The following MUC5B variants were observed in gnomAD, a reference collection of about 807,000 sequenced individuals.
MUC5B encodes the protein mucin-5B.
In MUC5B, 116 loss-of-function variants were observed where a neutral mutation model predicts 376.9. The ratio of observed to expected loss-of-function variants is 0.31; its 90% CI spans 0.26 to 0.36. MUC5B has a LOEUF of 0.36. Ranked by LOEUF, MUC5B falls within the 10% of genes least tolerant of loss-of-function variation. The pLI is 1.00. For synonymous variants in MUC5B, 3,517 were observed against 3,390.9 expected, an observed-to-expected ratio of 1.04 and a Z score of -1.29; for missense variants, 7,165 against 7,769.9, an observed-to-expected ratio of 0.92 and a Z score of 2.93.
Position 1,241,879 on chromosome 11 carries a change from G to C in MUC5B, c.4999G>C (p.Gly1667Arg). ...ATCCCCCAGATACACAAGCACCCTT[G>C]GTACAGCCACCACGGGAGGCCCCAC... ...LTSPRYTSTL[G>R]TATTGGPTTP... The change falls in exon 31 of 49, where the codon GGT becomes CGT. Residue 1667 changes from glycine to arginine, a missense_variant. Physicochemically the swap from Gly to Arg is moderately radical, Grantham distance 125. This residue lies in a region of MUC5B where 897 missense variants were observed against 779.6 expected (regional missense o/e 1.15). Coordinates refer to ENST00000529681, the MANE Select transcript of MUC5B (RefSeq NM_002458.3). 1.2e-6 allele frequency: 2 copies of C among 1,612,834 alleles called. No individual in the cohort carries two copies. Among genetic ancestry groups the C allele is most frequent in the Non-Finnish European group, 1.7e-6 (2 of 1,179,538 alleles).
At position 1,243,851 on chromosome 11, in the gene MUC5B, T is replaced by G. The variant is rs1862369955; in HGVS notation, c.6971T>G (p.Leu2324Arg). 6.2e-7 allele frequency: 1 copy of G among 1,611,208 alleles called. No individual in the cohort carries two copies. The highest frequency in any genetic ancestry group is 1.7e-5 in the Admixed American group (1 of 59,958). Residue 2324 changes from leucine (L) to arginine (R), a missense_variant, in exon 31 of 49, where the codon CTG becomes CGG. This residue lies in a region of MUC5B where 25 missense variants were observed against 103.9 expected (regional missense o/e 0.24). Coordinates refer to ENST00000529681, the MANE Select transcript of MUC5B (RefSeq NM_002458.3). ...CCCCAGTGTGCCTGGTCAGAGTGGC[T>G]GGACTACAGCTACCCCATGCCGGGG... ...CEPQCAWSEW[L>R]DYSYPMPGPS...
intron 36 of MUC5B, 47 bp downstream of exon 36, chr11:1,255,313 G>A (rs574126180): frequency 2.7e-5 from 39 of 1,465,824 alleles, no homozygotes; most frequent in East Asian, 1.9e-4. Context: ...GCCCCCGCCC[G>A]CCCGCATGCA....
chr11:1,228,927 G>T (rs914976010), intron 8 of MUC5B, among the ~76,000 whole-genome samples, 162 bp downstream of exon 8: 1 of 152,046 alleles, frequency 6.6e-6, no homozygotes, highest in African/African-American at 2.4e-5. Context: ...ACCCCAGGAG[G>T]GGGTGGGGCC....
intron 26 of MUC5B, 122 bp downstream of exon 26, chr11:1,239,149 G>C: frequency 8.2e-7 from 1 of 1,213,448 alleles, no homozygotes; most frequent in Non-Finnish European, 1.2e-6. Flanking sequence ...CAACACGCAT[G>C]TGCCTCCATG....
At position 1,258,229 on chromosome 11, in the gene MUC5B, T is replaced by C. The variant is rs1215465288; in HGVS notation, c.16555+26T>C. ...GTGAGCGGGGCTGGGGCCGGGCTCC[T>C]GGGTGGCCTCTTGCTGGGGGTGGGG... On this transcript the variant is annotated intron_variant, in intron 42 of 48. Transcript: ENST00000529681. This position sits in a 1 kb window ranked among gnomAD's most constrained non-coding sequence, Gnocchi z 5.5. 1 of 1,559,366 alleles carries C rather than the reference T, an allele frequency of 6.4e-7. No homozygotes were observed. The highest frequency in any genetic ancestry group is 1.9e-5 in the Admixed American group (1 of 53,202).
At position 1,241,269 on chromosome 11, in the gene MUC5B, C is replaced by G; in HGVS notation, c.4389C>G (p.Thr1463=). ...AVPTPTQTTA[T]EKTTLWVTPS... is the part of the protein sequence containing the mutation. Reference sequence around the variant, plus strand: ...CTACCCCAACCCAGACCACAGCAACCGAAAAGACCACCCTATGGGTGACCC... The same window carrying G: ...CTACCCCAACCCAGACCACAGCAACGGAAAAGACCACCCTATGGGTGACCC... The change falls in exon 31 of 49, where the codon ACC becomes ACG. Residue 1463 remains threonine, a synonymous_variant. Coordinates refer to ENST00000529681, the MANE Select transcript of MUC5B (RefSeq NM_002458.3). 1 of 1,594,124 alleles carries G rather than the reference C, an allele frequency of 6.3e-7. No homozygotes were observed. Among genetic ancestry groups the G allele is most frequent in the Non-Finnish European group, 8.5e-7 (1 of 1,170,484 alleles).
chr11:1,235,073 G>T lies in MUC5B; in HGVS notation c.2631-12G>T. On this transcript the variant is annotated splice_polypyrimidine_tract_variant and intron_variant, in intron 21 of 48. Coordinates refer to ENST00000529681, the MANE Select transcript of MUC5B (RefSeq NM_002458.3). ...GGCCCCTGTGAGCAGGCACCATTGTGGCCCCTTGCAGCACCTGCAGGAACC... is the reference window on the plus strand; with the variant it reads ...GGCCCCTGTGAGCAGGCACCATTGTTGCCCCTTGCAGCACCTGCAGGAACC... The T allele has an allele frequency of 6.2e-7, 1 of 1,606,188 alleles. No homozygotes were observed. Among genetic ancestry groups the T allele is most frequent in the Non-Finnish European group, 8.5e-7 (1 of 1,176,144 alleles).
rs1317468068 is a variant in MUC5B at position 1,251,100 on chromosome 11, C to A, written c.14220C>A (p.Ser4740Arg). The change falls in exon 31 of 49, where the codon AGC becomes AGA. Residue 4740 changes from serine to arginine, a missense_variant. This residue lies in a region of MUC5B where 730 missense variants were observed against 592.7 expected (regional missense o/e 1.23). Transcript: ENST00000529681. ...RTATTLPVLTSTATKSTATSF... is the reference protein window; with the variant it reads ...RTATTLPVLTRTATKSTATSF... Reference sequence around the variant, plus strand: ...CAACCACCCTTCCAGTGCTGACAAGCACAGCCACAAAATCCACAGCTACCA... The same window carrying A: ...CAACCACCCTTCCAGTGCTGACAAGAACAGCCACAAAATCCACAGCTACCA... 1.2e-6 allele frequency: 2 copies of A among 1,611,360 alleles called. No homozygotes were observed. Among genetic ancestry groups the A allele is most frequent in the South Asian group, 2.2e-5 (2 of 91,038 alleles).
At position 1,246,258 on chromosome 11, in the gene MUC5B, C is replaced by A. The variant is rs764716204; in HGVS notation, c.9378C>A (p.Ser3126=). The change falls in exon 31 of 49, where the codon TCC becomes TCA. Residue 3126 remains serine, a synonymous_variant. Transcript: ENST00000529681. Reference sequence around the variant, plus strand: ...CCACCAGTTCCATGTCCACCCCCTCCTCCACTCCGGGGACGACCTGGATCC... The same window carrying A: ...CCACCAGTTCCATGTCCACCCCCTCATCCACTCCGGGGACGACCTGGATCC... The part of the protein sequence containing the change: ...TRATSSMSTP[S]STPGTTWILT... 3 of 1,612,788 alleles carry A rather than the reference C, an allele frequency of 1.9e-6. No individual in the cohort carries two copies. The highest frequency in any genetic ancestry group is 2.5e-6 in the Non-Finnish European group (3 of 1,179,414).
In MUC5B at chr11:1,230,986, G is replaced by C. The variant is rs376283990; in HGVS notation, c.1521G>C (p.Thr507=). The change falls in exon 13 of 49, where the codon ACG becomes ACC. Residue 507 remains threonine (T), a synonymous_variant. Transcript: ENST00000529681. ...GCGTGTTCCTCAACTCCATCTACACGCAGCTGCCCCTGTCGGCAGGTATGT... is the reference window on the plus strand; with the variant it reads ...GCGTGTTCCTCAACTCCATCTACACCCAGCTGCCCCTGTCGGCAGGTATGT... ...DGGVFLNSIY[T]QLPLSAANIT... 1.3e-6 allele frequency: 2 copies of C among 1,597,972 alleles called. No homozygotes were observed. Among genetic ancestry groups the C allele is most frequent in the East Asian group, 2.3e-5 (1 of 43,978 alleles).
chr11:1,247,346 C>T lies in MUC5B; in HGVS notation c.10466C>T (p.Thr3489Met), dbSNP rs371967949. Reference protein sequence around the residue: ...LGTTHITEPSTVTSHTPAATT... With the variant: ...LGTTHITEPSMVTSHTPAATT... Reference sequence around the variant, plus strand: ...ACCACCCACATCACAGAGCCTTCCACGGTGACTTCCCACACCCCAGCAGCA... The same window carrying T: ...ACCACCCACATCACAGAGCCTTCCATGGTGACTTCCCACACCCCAGCAGCA... Residue 3489 changes from threonine (T) to methionine (M), a missense_variant, in exon 31 of 49, where the codon ACG becomes ATG. This residue lies in a region of MUC5B where 939 missense variants were observed against 770.6 expected (regional missense o/e 1.22). Coordinates refer to ENST00000529681, the MANE Select transcript of MUC5B (RefSeq NM_002458.3). 1.1e-4 allele frequency: 170 copies of T among 1,611,036 alleles called. No homozygotes were observed. Among genetic ancestry groups the T allele is most frequent in the Non-Finnish European group, 1.3e-4 (151 of 1,179,490 alleles).
rs201593546 is a variant in MUC5B at position 1,233,126 on chromosome 11, G to A, written c.2179G>A (p.Val727Met). Residue 727 changes from valine (V) to methionine (M), a missense_variant, in exon 18 of 49, where the codon GTG becomes ATG. Around this residue, in one of 31 missense-constraint regions of MUC5B, gnomAD observed 530 missense variants for 604.0 expected, o/e 0.88. Transcript: ENST00000529681. Reference protein sequence around the residue: ...EADVTCSVSFVPVDGCTCPAG... With the variant: ...EADVTCSVSFMPVDGCTCPAG... ...CGACGTCACCTGCAGCGTTTCCTTC[G>A]TGCCTGTGGACGGCTGCACCTGCCC... 41 of 1,607,532 alleles carry A rather than the reference G, an allele frequency of 2.6e-5. No individual in the cohort carries two copies. Among genetic ancestry groups the A allele is most frequent in the Admixed American group, 1.8e-4 (11 of 59,854 alleles).
rs1208883416 is a variant in MUC5B at position 1,246,624 on chromosome 11, C to T, written c.9744C>T (p.Ala3248=). Residue 3248 remains alanine (A), a synonymous_variant, in exon 31 of 49, where the codon GCC becomes GCT. Transcript: ENST00000529681. ...TAIPSSSLGT[A]WTRLSQTTTP... ...TCCCCTCTTCCTCCCTGGGCACCGC[C>T]TGGACCCGCCTATCACAGACCACCA... 1.9e-6 allele frequency: 3 copies of T among 1,613,054 alleles called. No individual in the cohort carries two copies. The highest frequency in any genetic ancestry group is 2.5e-6 in the Non-Finnish European group (3 of 1,179,462).
chr11:1,238,860 C>T lies in MUC5B; in HGVS notation c.3298-11C>T. On this transcript the variant is annotated splice_polypyrimidine_tract_variant and intron_variant, in intron 25 of 48. Transcript: ENST00000529681. ...TGTCCCGGCTGAGCTGCACCTTGGC[C>T]TCACCCGCAGGTTGACTCCACCAAG... 1.3e-6 allele frequency: 2 copies of T among 1,549,040 alleles called. No homozygotes were observed. The highest frequency in any genetic ancestry group is 1.7e-6 in the Non-Finnish European group (2 of 1,144,812).
In MUC5B at chr11:1,243,245, C is replaced by T. The variant is rs1862342438; in HGVS notation, c.6365C>T (p.Ser2122Phe). ...ACTGGTTCTATGGCAACACCCTCCT[C>T]TAGCACACAGACCAGTGGTACTCCC... ...VATGSMATPS[S>F]STQTSGTPPS... Residue 2122 changes from serine to phenylalanine, a missense_variant, in exon 31 of 49, where the codon TCT becomes TTT. Around this residue, in one of 31 missense-constraint regions of MUC5B, gnomAD observed 897 missense variants for 779.6 expected, o/e 1.15. Coordinates refer to ENST00000529681, the MANE Select transcript of MUC5B (RefSeq NM_002458.3). 6.4e-7 allele frequency: 1 copy of T among 1,558,564 alleles called. No homozygotes were observed. Among genetic ancestry groups the T allele is most frequent in the Admixed American group, 1.9e-5 (1 of 51,318 alleles).
At chr11:1,223,547 G>A (rs569912211) in intron 1 of MUC5B, 1 of 405,272 alleles carries the variant, frequency 2.5e-6, no homozygotes, top group East Asian at 5.6e-5. Context: ...AGCCCCATGA[G>A]GCCCAGGCAT....
rs575458474 is a variant in MUC5B at position 1,251,393 on chromosome 11, T to C, written c.14513T>C (p.Leu4838Pro). The change falls in exon 31 of 49, where the codon CTG (leucine) becomes CCG (proline). Residue 4838 changes from leucine (L) to proline (P), a missense_variant. Transcript: ENST00000529681. Reference sequence around the variant, plus strand: ...GCAGCCACTGGATCCACGGCCACCCTGTCCTCCACCCCAGGGACCACCTGG... The same window carrying C: ...GCAGCCACTGGATCCACGGCCACCCCGTCCTCCACCCCAGGGACCACCTGG... ...TTAATGSTAT[L>P]SSTPGTTWIL... is the part of the protein sequence containing the mutation. 4.6e-5 allele frequency: 73 copies of C among 1,584,748 alleles called. No individual in the cohort carries two copies. Among genetic ancestry groups the C allele is most frequent in the Admixed American group, 3.2e-4 (19 of 59,608 alleles).
chr11:1,240,155 G>A (rs772055564), intron 29 of MUC5B, 23 bp from the exon 30 acceptor site: 2 of 1,581,328 alleles, frequency 1.3e-6, no homozygotes, highest in Non-Finnish European at 1.7e-6. Flanking sequence ...GGCCCTGGGT[G>A]ACTCTGCCGG....
intron 19 of MUC5B, 116 bp downstream of exon 19, chr11:1,233,964 G>A: frequency 4.6e-6 from 5 of 1,096,290 alleles, no homozygotes; most frequent in Non-Finnish European, 6.7e-6. Context: ...GGCCAGGTCA[G>A]TCCTCACCTG....
Sources: allele counts gnomAD v4.1 joint callset (sites outside exome capture counted in the v4.1 genomes callset), GRCh38; gene constraint gnomAD v4.1.1; regional missense constraint gnomAD v4.1.1; non-coding constraint Gnocchi (gnomAD v3.1); transcripts MANE v1.5; gene names NCBI Gene and HGNC (gene_info 2026-07-23, HGNC 2026-07-21).